The following FCGR1A variants were observed in gnomAD, a reference collection of about 807,000 sequenced individuals.
FCGR1A encodes high affinity immunoglobulin gamma Fc receptor I.
Under a neutral mutation model 35.0 loss-of-function variants are expected in FCGR1A, and 13 were observed. The observed-to-expected ratio is 0.37, with a 90% CI of 0.24 to 0.59. The LOEUF is 0.59. Ranked by LOEUF, FCGR1A falls within the 20% of genes least tolerant of loss-of-function variation. FCGR1A has a pLI of 0.71. For synonymous variants in FCGR1A, 91 were observed against 164.7 expected (o/e 0.55, Z 3.43); for missense variants, 227 against 430.0 (o/e 0.53, Z 4.17).
chr1:149,796,725 G>A, the FCGR1A span, among the ~76,000 whole-genome samples: 1 of 152,010 alleles, frequency 6.6e-6, no homozygotes, highest in African/African-American at 2.4e-5. Context: ...CTATATCATG[G>A]CACTTAATAG....
At chr1:149,794,084 C>G (rs1370432541), downstream of FCGR1A, 9 of 519,832 alleles carry the variant, frequency 1.7e-5, no homozygotes, top group Non-Finnish European at 2.8e-5. Context: ...ACAGATTCCT[C>G]GGGCTGTAGA....
chr1:149,789,645 C>A (rs1235270145), intron 4 of FCGR1A, among the ~76,000 whole-genome samples: 2 of 152,116 alleles, frequency 1.3e-5, no homozygotes, highest in Non-Finnish European at 2.9e-5. Flanking sequence ...GGCCTGAGCT[C>A]CTCCTCCTGT....
chr1:149,791,288 T>C lies in FCGR1A; in HGVS notation c.896T>C (p.Val299Ala). Reference protein sequence around the residue: ...VWFHVLFYLAVGIMFLVNTVL... With the variant: ...VWFHVLFYLAAGIMFLVNTVL... ...TTTCATGTCCTTTTCTATCTGGCAG[T>C]GGGAATAATGTTTTTAGTGAACACT... is the stretch of plus-strand genomic sequence containing the variant. Residue 299 changes from valine to alanine, a missense_variant, in exon 6 of 6, where the codon GTG becomes GCG. Physicochemically the swap from Val to Ala is moderately conservative, Grantham distance 64 (BLOSUM62 0). Transcript: ENST00000369168. The C allele has an allele frequency of 2.5e-6, 4 of 1,603,656 alleles. No homozygotes were observed. The highest frequency in any genetic ancestry group is 2.5e-6 in the Non-Finnish European group (3 of 1,176,488).
At position 149,788,620 on chromosome 1, in the gene FCGR1A, A is replaced by G; in HGVS notation, c.559+3A>G. The G allele has an allele frequency of 6.2e-7, 1 of 1,614,000 alleles. No individual in the cohort carries two copies. On this transcript the variant is annotated splice_donor_region_variant and intron_variant, in intron 4 of 5. Coordinates refer to ENST00000369168, the MANE Select transcript of FCGR1A (RefSeq NM_000566.4). ...AGGAATATCTGTCACTGTGAAAGGT[A>G]TTGTATTGGAATAGTCATAGAACTG...
chr1:149,799,568 A>G, the FCGR1A span, among the ~76,000 whole-genome samples: 1 of 152,158 alleles, frequency 6.6e-6, no homozygotes, highest in Non-Finnish European at 1.5e-5. Flanking sequence ...AAATCTTACT[A>G]TTCAAATGAC....
rs1258159071 is a variant in FCGR1A, at chr1:149,790,304, T to G, written c.810T>G (p.Leu270=). ...CEAATEDGNV[L]KRSPELELQV... is the part of the protein sequence containing the mutation. Reference sequence around the variant, plus strand: ...CTGCCACAGAGGATGGAAATGTCCTTAAGCGCAGCCCTGAGTTGGAGCTTC... The same window carrying G: ...CTGCCACAGAGGATGGAAATGTCCTGAAGCGCAGCCCTGAGTTGGAGCTTC... Residue 270 remains leucine (L), a synonymous_variant, in exon 5 of 6, where the codon CTT becomes CTG. Transcript: ENST00000369168. The G allele has an allele frequency of 1.3e-6, 2 of 1,588,336 alleles. No homozygotes were observed. The highest frequency in any genetic ancestry group is 1.7e-6 in the Non-Finnish European group (2 of 1,167,334).
At chr1:149,788,818 G>A (rs1195796995) in intron 4 of FCGR1A, among the ~76,000 whole-genome samples, 1 of 152,164 alleles carries the variant, frequency 6.6e-6, no homozygotes, top group Non-Finnish European at 1.5e-5. Context: ...TCTTTCCAGT[G>A]TACCGCAACC....
the FCGR1A span, among the ~76,000 whole-genome samples, chr1:149,797,540 C>T: frequency 1.3e-5 from 2 of 152,164 alleles, no homozygotes; most frequent in Non-Finnish European, 2.9e-5. Flanking sequence ...GTTTCATTGA[C>T]TATGCTTTCA....
downstream of FCGR1A, chr1:149,794,024 C>A (rs1317519300): frequency 8.4e-6 from 6 of 713,614 alleles, no homozygotes; most frequent in Non-Finnish European, 1.3e-5. Flanking sequence ...TAGCTGACAG[C>A]TGGCTGGGAG....
the FCGR1A span, among the ~76,000 whole-genome samples, chr1:149,799,881 G>T: frequency 6.6e-6 from 1 of 152,168 alleles, no homozygotes; most frequent in African/African-American, 2.4e-5. Flanking sequence ...GACGGCGGAG[G>T]GGGGTTCTCC....
At chr1:149,793,898 C>T (rs2091769184), downstream of FCGR1A, 1 of 1,286,268 alleles carries the variant, frequency 7.8e-7, no homozygotes, top group Non-Finnish European at 1.0e-6. Flanking sequence ...TGGGTCCATT[C>T]TGGATCTTTC....
intron 3 of FCGR1A, among the ~76,000 whole-genome samples, chr1:149,784,725 C>CAT (rs2091495630): frequency 6.8e-6 from 1 of 147,942 alleles, no homozygotes; most frequent in African/African-American, 2.5e-5. Flanking sequence ...TATATACACA[C>CAT]ATATATATAG....
At chr1:149,792,720 T>G (rs626556), downstream of FCGR1A, 9 of 1,283,334 alleles carry the variant, frequency 7.0e-6, no homozygotes, top group African/African-American at 6.2e-5. Context: ...CGCGCGCTTC[T>G]CCGCAGCTCC....
chr1:149,786,608 G>A (rs1237438333), intron 3 of FCGR1A: 10 of 152,128 alleles, frequency 6.6e-5, no homozygotes, highest in East Asian at 1.9e-4. Context: ...TGGTGGACCC[G>A]AGCCCTAATC....
At chr1:149,790,692 G>A (rs1553751703) in intron 5 of FCGR1A, among the ~76,000 whole-genome samples, 2 of 130,816 alleles carry the variant, frequency 1.5e-5, no homozygotes, top group African/African-American at 6.0e-5. Flanking sequence ...CTGCTTCCCT[G>A]CCTCCCTCCT....
chr1:149,794,102 C>A, downstream of FCGR1A: 1 of 478,540 alleles, frequency 2.1e-6, no homozygotes, highest in Non-Finnish European at 4.0e-6. Context: ...AGAGAGACAA[C>A]AGTAGAAGCA....
intron 3 of FCGR1A, chr1:149,785,923 T>C (rs1329523450): frequency 5.9e-5 from 9 of 152,080 alleles, no homozygotes; most frequent in Non-Finnish European, 1.3e-4. Flanking sequence ...TTGTGTCTGG[T>C]TTATTTTTCT....
In FCGR1A at chr1:149,790,167, C is replaced by A; in HGVS notation, c.673C>A (p.Leu225Ile). The A allele has an allele frequency of 6.2e-7, 1 of 1,613,986 alleles. No homozygotes were observed. The highest frequency in any genetic ancestry group is 1.1e-5 in the South Asian group (1 of 91,080). The change falls in exon 5 of 6, where the codon CTT (leucine) becomes ATT (isoleucine). Residue 225 changes from leucine to isoleucine, a missense_variant. This residue lies in a region of FCGR1A where 185 missense variants were observed against 306.6 expected (regional missense o/e 0.60). Transcript: ENST00000369168. ...GCTCTTGCAGAGGCCTGGTTTGCAGCTTTACTTCTCCTTCTACATGGGCAG... is the reference window on the plus strand; with the variant it reads ...GCTCTTGCAGAGGCCTGGTTTGCAGATTTACTTCTCCTTCTACATGGGCAG... ...KLLLQRPGLQLYFSFYMGSKT... is the reference protein window; with the variant it reads ...KLLLQRPGLQIYFSFYMGSKT...
At chr1:149,797,334 G>A in the FCGR1A span, among the ~76,000 whole-genome samples, 8 of 151,822 alleles carry the variant, frequency 5.3e-5, no homozygotes, top group African/African-American at 1.7e-4. Context: ...AATTTGTATG[G>A]AAAAGTCAAC....
Sources: gnomAD v4.1 joint callset for allele counts (sites outside exome capture counted in the v4.1 genomes callset) on GRCh38, gnomAD v4.1.1 for gene constraint, gnomAD v4.1.1 regional missense constraint, MANE v1.5 for transcripts, NCBI Gene and HGNC (gene_info 2026-07-23, HGNC 2026-07-21) for gene names.